Variants in MYO7A observed in about 807,000 individuals in gnomAD.
The protein encoded by MYO7A is myosin VIIA.
Under a neutral mutation model 263.8 loss-of-function variants are expected in MYO7A, and 210 were observed. That is an observed-to-expected ratio of 0.80 (90% confidence interval 0.71 to 0.89). The LOEUF (loss-of-function observed/expected upper bound fraction) is 0.89, where lower values mean the gene tolerates loss of function less well. Among genes scored for constraint, MYO7A ranks in the 40% least tolerant of loss-of-function variants. The pLI is 0.00. For missense variants in MYO7A, 2,820 were observed against 2,968.3 expected (o/e 0.95, Z 1.16); for synonymous variants, 1,239 against 1,197.3 (o/e 1.03, Z -0.72).
At chr11:77,207,266 C>T (rs767380561) in intron 41 of MYO7A, 23 bp from the exon 42 acceptor site, 3 of 1,560,474 alleles carry the variant, frequency 1.9e-6, no homozygotes, top group Non-Finnish European at 2.6e-6. Context: ...CTGCAGGAGC[C>T]CAGTGCTCAC....
rs1555062387 is a variant in MYO7A at position 77,156,649 on chromosome 11, T to G, written c.471-11T>G. 1 of 1,613,232 alleles carries G rather than the reference T, an allele frequency of 6.2e-7. No homozygotes were observed. The highest frequency in any genetic ancestry group is 8.5e-7 in the Non-Finnish European group (1 of 1,179,532). On this transcript the variant is annotated splice_polypyrimidine_tract_variant and intron_variant, in intron 5 of 48. Coordinates refer to ENST00000409709, the MANE Select transcript of MYO7A (RefSeq NM_000260.4). Reference sequence around the variant, plus strand: ...GGTTGTGACAGGTCCTGCCACTCCCTCCCTCTGCAGTGGGGAATCTGGGGC... The same window carrying G: ...GGTTGTGACAGGTCCTGCCACTCCCGCCCTCTGCAGTGGGGAATCTGGGGC...
rs3831388 is a variant in MYO7A, at chr11:77,180,262, T to TCTGACAAATTATTTGG, written c.2587-111_2587-110insTGACAAATTATTTGGC. On this transcript the variant is annotated intron_variant, in intron 21 of 48. Coordinates refer to ENST00000409709, the MANE Select transcript of MYO7A (RefSeq NM_000260.4). ...TTTCTTGATTACCTCACTTGTCCTA[T>TCTGACAAATTATTTGG]CAAAGTCATGCCCAGTTCCAGAACT... The TCTGACAAATTATTTGG allele has an allele frequency of 5.5e-4, 496 of 900,926 alleles. 4 individuals are homozygous for TCTGACAAATTATTTGG. The African/African-American group carries it at 7.0e-3, about 13-fold the overall frequency. The allele number at this position is 900,926 out of a possible 1,614,324, so 55.8% of individuals were successfully genotyped here. A position where few individuals can be genotyped will look rare whatever the true frequency, so the allele number is the denominator to read the frequency against.
At chr11:77,174,650 G>A (rs1954453306) in intron 16 of MYO7A, 106 bp from the exon 17 acceptor site, 6 of 1,222,918 alleles carry the variant, frequency 4.9e-6, no homozygotes, top group Middle Eastern at 2.7e-4. Flanking sequence ...CCCATGCCGT[G>A]TGGACTTGGC....
intron 22 of MYO7A, among the ~76,000 whole-genome samples, chr11:77,181,179 G>A (rs1048120612): frequency 1.3e-5 from 2 of 152,162 alleles, no homozygotes; most frequent in Non-Finnish European, 2.9e-5. Flanking sequence ...CCTGAAGGAC[G>A]GGCAGGATTG....
At chr11:77,150,747 T>A (rs1032859163) in intron 4 of MYO7A, among the ~76,000 whole-genome samples, 22 of 152,160 alleles carry the variant, frequency 1.4e-4, no homozygotes, top group African/African-American at 5.3e-4. Flanking sequence ...CCGCTGACCT[T>A]AGATTCTCAG....
At chr11:77,183,279 A>AGGGGTCTT in intron 26 of MYO7A, 122 bp downstream of exon 26, 1 of 786,798 alleles carries the variant, frequency 1.3e-6, no homozygotes, top group Non-Finnish European at 2.1e-6. Context: ...GTCTGTCCTC[A>AGGGGTCTT]GGGGTCTTGG....
Position 77,182,268 on chromosome 11 carries a change from G to A in MYO7A, c.3108+114G>A, listed in dbSNP as rs996847032. The A allele has an allele frequency of 8.0e-5, 117 of 1,458,364 alleles. 2 individuals are homozygous for A. In the South Asian group the frequency reaches 1.5e-3, roughly 18 times the overall value. The allele number at this position is 1,458,364 out of a possible 1,614,324, so 90.3% of individuals were successfully genotyped here. A position where few individuals can be genotyped will look rare whatever the true frequency, so the allele number is the denominator to read the frequency against. Reference sequence around the variant, plus strand: ...GGGTGGTGGGTCCCTGGGGGCCAGGGACCAGGTCTGACTATAGTCTTCACT... The same window carrying A: ...GGGTGGTGGGTCCCTGGGGGCCAGGAACCAGGTCTGACTATAGTCTTCACT... On this transcript the variant is annotated intron_variant, in intron 24 of 48. Transcript: ENST00000409709.
intron 48 of MYO7A, among the ~76,000 whole-genome samples, chr11:77,214,256 C>A (rs970617208): frequency 6.6e-6 from 1 of 152,172 alleles, no homozygotes; most frequent in Non-Finnish European, 1.5e-5. Flanking sequence ...CTTTAGCCCC[C>A]CGAGTTCAAC....
At chr11:77,183,557 A>G (rs1267945242) in intron 26 of MYO7A, among the ~76,000 whole-genome samples, 3 of 152,158 alleles carry the variant, frequency 2.0e-5, no homozygotes, top group African/African-American at 7.2e-5. Flanking sequence ...ATTTATTTGA[A>G]TTCATTCTTC....
chr11:77,201,201 G>A (rs980773086), intron 35 of MYO7A, among the ~76,000 whole-genome samples: 1 of 152,194 alleles, frequency 6.6e-6, no homozygotes, highest in Non-Finnish European at 1.5e-5. Flanking sequence ...AAGGAGTCTG[G>A]GAGGCCCGCT....
At chr11:77,145,031 C>G (rs1458361632) in intron 3 of MYO7A, among the ~76,000 whole-genome samples, 1 of 152,152 alleles carries the variant, frequency 6.6e-6, no homozygotes, top group Non-Finnish European at 1.5e-5. Context: ...TACCTGTGGA[C>G]CTTGACCTGC....
Position 77,194,393 on chromosome 11 carries a change from G to T in MYO7A, c.4192G>T (p.Val1398Leu). 1 of 1,612,878 alleles carries T rather than the reference G, an allele frequency of 6.2e-7. No individual in the cohort carries two copies. The highest frequency in any genetic ancestry group is 8.5e-7 in the Non-Finnish European group (1 of 1,179,440). Residue 1398 changes from valine (V) to leucine (L), a missense_variant, in exon 32 of 49, where the codon GTA becomes TTA. Physicochemically the swap from Val to Leu is conservative, Grantham distance 32. Transcript: ENST00000409709. ...LAELASQQYFVDYGSEMILER... is the reference protein window; with the variant it reads ...LAELASQQYFLDYGSEMILER... ...TGAGCTGGCCTCCCAGCAGTACTTT[G>T]TAGACTATGGCTCTGAGATGATCCT...
chr11:77,190,576 G>A (rs973568113), intron 29 of MYO7A, 121 bp from the exon 30 acceptor site: 1 of 324,526 alleles, frequency 3.1e-6, no homozygotes, highest in Non-Finnish European at 4.6e-6. Flanking sequence ...GTCCCAGTGA[G>A]GTACTGGGGC....
rs1370741659 is a variant in MYO7A, at chr11:77,175,555, G to T, written c.2187+91G>T. ...GTGCTCGGGAGAGGGAGGCAGTGCT[G>T]GGGCTTTGAGATCCTTTCTGCCGGG... On this transcript the variant is annotated intron_variant, in intron 18 of 48. Coordinates refer to ENST00000409709, the MANE Select transcript of MYO7A (RefSeq NM_000260.4). The T allele has an allele frequency of 5.0e-6, 6 of 1,191,074 alleles. No homozygotes were observed. In the African/African-American group the frequency reaches 7.5e-5, roughly 15 times the overall value. 73.8% of individuals were successfully genotyped at this position (1,191,074 alleles called of 1,614,324 possible).
chr11:77,130,300 C>T (rs139001957), intron 1 of MYO7A, among the ~76,000 whole-genome samples: 27 of 152,364 alleles, frequency 1.8e-4, no homozygotes, highest in East Asian at 1.3e-3. Flanking sequence ...GCCCCTTTGC[C>T]GTAGGTCCCT....
chr11:77,141,078 T>C (rs1411535531), intron 2 of MYO7A, among the ~76,000 whole-genome samples: 1 of 152,236 alleles, frequency 6.6e-6, no homozygotes, highest in Non-Finnish European at 1.5e-5. Context: ...TAGCAGGTTG[T>C]ACAGGTTTGT....
At chr11:77,183,007 C>T (rs1031151005) in intron 25 of MYO7A, 61 bp from the exon 26 acceptor site, 26 of 1,397,094 alleles carry the variant, frequency 1.9e-5, no homozygotes, top group Middle Eastern at 1.8e-4. Context: ...GTCTTGCTGT[C>T]GGGGGTCTCG....
At chr11:77,161,159 T>C in intron 12 of MYO7A, 44 bp downstream of exon 12, 9 of 1,609,386 alleles carry the variant, frequency 5.6e-6, no homozygotes, top group Non-Finnish European at 7.7e-6. Context: ...TTCCCCAATA[T>C]GGAAATAAGA....
In MYO7A at chr11:77,148,018, C is replaced by T. The variant is rs1277750533; in HGVS notation, c.285+68C>T. 7.2e-6 allele frequency: 10 copies of T among 1,387,996 alleles called. No homozygotes were observed. The Admixed American group carries it at 1.3e-4, about 18-fold the overall frequency. 86.0% of individuals were successfully genotyped at this position (1,387,996 alleles called of 1,614,324 possible). Reference sequence around the variant, plus strand: ...CCCCGCCCCGCCCACCTCGCCCCACCCCGCCCGACTTGCCTCCGGCCCCGC... The same window carrying T: ...CCCCGCCCCGCCCACCTCGCCCCACTCCGCCCGACTTGCCTCCGGCCCCGC... On this transcript the variant is annotated intron_variant, in intron 4 of 48. Coordinates refer to ENST00000409709, the MANE Select transcript of MYO7A (RefSeq NM_000260.4).
Sources: allele counts gnomAD v4.1 joint callset (sites outside exome capture counted in the v4.1 genomes callset), GRCh38; gene constraint gnomAD v4.1.1; transcripts MANE v1.5; gene names NCBI Gene and HGNC (gene_info 2026-07-23, HGNC 2026-07-21).